FSTL5: variants seen among roughly 807,000 people sequenced by gnomAD.
FSTL5 encodes the protein follistatin like 5.
A neutral mutation model predicts 89.1 loss-of-function variants in FSTL5; 62 were observed. The observed-to-expected ratio is 0.70, with a 90% CI of 0.57 to 0.86. The LOEUF (loss-of-function observed/expected upper bound fraction) is 0.86, where lower values mean the gene tolerates loss of function less well. Ranked by LOEUF, FSTL5 falls within the 40% of genes least tolerant of loss-of-function variation. The probability of loss-of-function intolerance (pLI) is 0.00; values close to 1 mark genes in which losing one functional copy is unlikely to be tolerated. For missense variants in FSTL5, 1,057 were observed against 1,001.6 expected, an observed-to-expected ratio of 1.06 and a Z score of -0.75; for synonymous variants, 383 against 346.2, an observed-to-expected ratio of 1.11 and a Z score of -1.18.
chr4:161,747,979 A>T (rs892060433), intron 6 of FSTL5, among the ~76,000 whole-genome samples: 5 of 152,154 alleles, frequency 3.3e-5, no homozygotes, highest in African/African-American at 1.2e-4. Context: ...GATGGTGCTA[A>T]CACTATATGG....
intron 9 of FSTL5, among the ~76,000 whole-genome samples, chr4:161,540,581 T>C (rs778209687): frequency 1.3e-5 from 2 of 152,084 alleles, no homozygotes; most frequent in Non-Finnish European, 2.9e-5. Flanking sequence ...TCTATGACTC[T>C]TCCTGCAGGT....
intron 4 of FSTL5, among the ~76,000 whole-genome samples, chr4:161,833,187 G>GTA (rs1730907232): frequency 6.6e-6 from 1 of 151,676 alleles, no homozygotes; most frequent in African/African-American, 2.4e-5. Context: ...GTAGTTGAGC[G>GTA]GTTTTGAGTG....
At chr4:161,622,716 T>A (rs1172719569) in intron 7 of FSTL5, among the ~76,000 whole-genome samples, 4 of 152,062 alleles carry the variant, frequency 2.6e-5, no homozygotes, top group Non-Finnish European at 5.9e-5. Flanking sequence ...ATTAATATAA[T>A]CTGTTACGTA....
At chr4:161,542,902 A>G (rs991403685) in intron 8 of FSTL5, among the ~76,000 whole-genome samples, 29 of 152,182 alleles carry the variant, frequency 1.9e-4, no homozygotes, top group African/African-American at 7.0e-4. Flanking sequence ...TGCTAGGGAA[A>G]ACATAAGATG....
chr4:161,420,298 G>A (rs1197293324), intron 15 of FSTL5, among the ~76,000 whole-genome samples: 2 of 152,162 alleles, frequency 1.3e-5, no homozygotes, highest in South Asian at 2.1e-4. Flanking sequence ...TACTAGCTAC[G>A]GCCATGTGAC....
At chr4:161,470,009 T>A (rs1733880240) in intron 13 of FSTL5, among the ~76,000 whole-genome samples, 1 of 152,170 alleles carries the variant, frequency 6.6e-6, no homozygotes, top group East Asian at 1.9e-4. Flanking sequence ...TTAACAGATA[T>A]ATGATTTGCA....
intron 15 of FSTL5, among the ~76,000 whole-genome samples, chr4:161,450,721 C>T (rs141448966): frequency 6.7e-6 from 1 of 149,804 alleles, no homozygotes; most frequent in Non-Finnish European, 1.5e-5. Flanking sequence ...TTGACTATTA[C>T]GAGAATTACA....
intron 8 of FSTL5, among the ~76,000 whole-genome samples, chr4:161,557,371 T>G (rs1396806481): frequency 1.3e-5 from 2 of 151,584 alleles, no homozygotes; most frequent in African/African-American, 4.8e-5. Context: ...TATAAAAAAT[T>G]TCATGACAAG....
At chr4:161,473,025 G>GT (rs772061414) in intron 13 of FSTL5, among the ~76,000 whole-genome samples, 1 of 152,082 alleles carries the variant, frequency 6.6e-6, no homozygotes, top group Non-Finnish European at 1.5e-5. Flanking sequence ...GCCTGGCTGT[G>GT]TCTAACTTTT....
intron 2 of FSTL5, among the ~76,000 whole-genome samples, chr4:162,085,494 A>G (rs1730279389): frequency 1.3e-5 from 2 of 149,354 alleles, no homozygotes; most frequent in African/African-American, 4.9e-5. Flanking sequence ...AGTTGCTACA[A>G]TTATCCAGTA....
At chr4:161,892,691 T>C (rs923648291) in intron 4 of FSTL5, among the ~76,000 whole-genome samples, 20 of 152,046 alleles carry the variant, frequency 1.3e-4, no homozygotes, top group African/African-American at 4.3e-4. Context: ...TATTAACTTT[T>C]CCAAATGTAA....
At chr4:161,480,985 A>G in intron 13 of FSTL5, 35 bp downstream of exon 13, 1 of 1,442,454 alleles carries the variant, frequency 6.9e-7, no homozygotes, top group Non-Finnish European at 9.6e-7. Context: ...TATTTTTTAA[A>G]GATTTACTTT....
intron 6 of FSTL5, among the ~76,000 whole-genome samples, chr4:161,723,792 A>G (rs1739298413): frequency 6.6e-6 from 1 of 152,172 alleles, no homozygotes; most frequent in African/African-American, 2.4e-5. Flanking sequence ...GAAGAACGAA[A>G]CCTTAAAGAA....
rs141075738 is a variant in FSTL5, at chr4:161,409,559, T to C, written c.1842-23110A>G. Among the ~76,000 whole-genome samples, 485 of 152,048 alleles carry C rather than the reference T, an allele frequency of 3.2e-3. 13 individuals carry two copies. In the East Asian group the frequency reaches 0.054, roughly 17 times the overall value. ...ACCACATGAGGCTAATTTTTGTAAT[T>C]TTAGTAGAGATGGGGTTTCACCACG... On this transcript the variant is annotated intron_variant, in intron 15 of 15. Transcript: ENST00000306100.
At chr4:162,024,751 C>G (rs1449776002) in intron 3 of FSTL5, among the ~76,000 whole-genome samples, 3 of 151,998 alleles carry the variant, frequency 2.0e-5, no homozygotes, top group Non-Finnish European at 2.9e-5. Flanking sequence ...GCCTTTAACT[C>G]AAGTGGTCCT....
chr4:161,409,506 C>A (rs907718900), intron 15 of FSTL5, among the ~76,000 whole-genome samples: 1 of 151,902 alleles, frequency 6.6e-6, no homozygotes, highest in South Asian at 2.1e-4. Flanking sequence ...CTCAGCCTCC[C>A]GAGTAGCTGG....
chr4:161,414,754 C>A (rs560052590), intron 15 of FSTL5, among the ~76,000 whole-genome samples: 2 of 152,094 alleles, frequency 1.3e-5, no homozygotes, highest in Admixed American at 6.5e-5. Flanking sequence ...ACATTATTTT[C>A]TTTTTAAAAC....
At chr4:161,561,424 G>A (rs978414603) in intron 8 of FSTL5, among the ~76,000 whole-genome samples, 1 of 152,018 alleles carries the variant, frequency 6.6e-6, no homozygotes, top group Non-Finnish European at 1.5e-5. Context: ...AGAGAGAGTA[G>A]ATTAGTGATT....
intron 13 of FSTL5, among the ~76,000 whole-genome samples, 192 bp downstream of exon 13, chr4:161,480,828 A>G (rs1729477970): frequency 6.6e-6 from 1 of 150,576 alleles, no homozygotes; most frequent in Non-Finnish European, 1.5e-5. Flanking sequence ...CAAAAAAATT[A>G]AATTATCTCC....
Sources: allele counts gnomAD v4.1 joint callset (sites outside exome capture counted in the v4.1 genomes callset), GRCh38; gene constraint gnomAD v4.1.1; transcripts MANE v1.5; gene names NCBI Gene and HGNC (gene_info 2026-07-23, HGNC 2026-07-21).